The following TNRC6C variants were observed in gnomAD, a reference collection of about 807,000 sequenced individuals.
The protein encoded by TNRC6C is trinucleotide repeat-containing gene 6C protein.
A neutral mutation model predicts 153.7 loss-of-function variants in TNRC6C; 20 were observed. The observed-to-expected ratio is 0.13, with a 90% CI of 0.09 to 0.19. The LOEUF (loss-of-function observed/expected upper bound fraction) is 0.19, where lower values mean the gene tolerates loss of function less well. TNRC6C is among the 10% of genes least tolerant of loss of function. TNRC6C has a pLI of 1.00. For missense variants in TNRC6C, 1,987 were observed against 2,172.0 expected (o/e 0.91, Z 1.69); for synonymous variants, 811 against 841.4 (o/e 0.96, Z 0.63).
intron 1 of TNRC6C, among the ~76,000 whole-genome samples, chr17:77,998,373 T>C (rs940648810): frequency 6.6e-6 from 1 of 152,228 alleles, no homozygotes; most frequent in African/African-American, 2.4e-5. Flanking sequence ...TTTATGTATA[T>C]CACCAAATAT....
At chr17:78,044,265 A>G (rs1391779086) in intron 2 of TNRC6C, among the ~76,000 whole-genome samples, 1 of 152,202 alleles carries the variant, frequency 6.6e-6, no homozygotes, top group African/African-American at 2.4e-5. Flanking sequence ...CAACATGGCA[A>G]CCTAAGCTTA....
intron 1 of TNRC6C, among the ~76,000 whole-genome samples, chr17:77,961,661 C>T (rs576162430): frequency 6.6e-6 from 1 of 152,256 alleles, no homozygotes; most frequent in South Asian, 2.1e-4. Context: ...TATGTCTTAA[C>T]ACTAACATCA....
intron 1 of TNRC6C, among the ~76,000 whole-genome samples, chr17:77,985,716 A>G (rs1233464012): frequency 6.6e-6 from 1 of 152,074 alleles, no homozygotes; most frequent in Admixed American, 6.5e-5. Context: ...GCCTACTTGG[A>G]TGGATAGTCT....
chr17:78,077,283 G>A lies in TNRC6C; in HGVS notation c.3159G>A (p.Leu1053=), dbSNP rs1353931116. The stretch of plus-strand genomic sequence containing the variant: ...ACAGTGCACTCCCCAGTCAGGCCCT[G>A]GGTGGGATTGCCTCCGGGCTGGGCA... Residue 1053 remains leucine (L), a synonymous_variant, in exon 9 of 20, where the codon CTG becomes CTA. Coordinates refer to ENST00000301624, the Ensembl canonical transcript of TNRC6C. 1.9e-6 allele frequency: 3 copies of A among 1,590,520 alleles called. No individual in the cohort carries two copies. In the Admixed American group the frequency reaches 5.3e-5, roughly 28 times the overall value.
At chr17:78,088,902 CTAT>C (rs1352685190) in intron 13 of TNRC6C, among the ~76,000 whole-genome samples, 1 of 146,038 alleles carries the variant, frequency 6.8e-6, no homozygotes, top group Non-Finnish European at 1.5e-5. Flanking sequence ...CTTCAGCTTT[CTAT>C]TATTCACCTG....
At chr17:78,096,295 GA>G (rs1477757131) in intron 16 of TNRC6C, among the ~76,000 whole-genome samples, 1 of 152,156 alleles carries the variant, frequency 6.6e-6, no homozygotes, top group Non-Finnish European at 1.5e-5. Context: ...AGAGGATTCA[GA>G]AACTGCCTGT....
At chr17:78,082,102 G>A (rs558384069) in intron 10 of TNRC6C, among the ~76,000 whole-genome samples, 20 of 150,698 alleles carry the variant, frequency 1.3e-4, no homozygotes, top group African/African-American at 3.4e-4. Flanking sequence ...AGCAGCCTGC[G>A]GTGCAACAGG....
At chr17:77,973,701 A>G (rs1477898005) in intron 1 of TNRC6C, among the ~76,000 whole-genome samples, 1 of 152,232 alleles carries the variant, frequency 6.6e-6, no homozygotes, top group Non-Finnish European at 1.5e-5. Context: ...CTGGCAGTAA[A>G]CAATCTGAAA....
chr17:77,980,207 G>A (rs980323675), intron 1 of TNRC6C, among the ~76,000 whole-genome samples: 13 of 152,310 alleles, frequency 8.5e-5, no homozygotes, highest in African/African-American at 3.1e-4. Context: ...ATTGATAGGT[G>A]CAGCAAACCA....
chr17:78,093,503 A>G (rs1281184488), intron 15 of TNRC6C, 117 bp from the exon 18 acceptor site: 1 of 1,280,126 alleles, frequency 7.8e-7, no homozygotes, highest in Non-Finnish European at 1.1e-6. Context: ...GTGTACCTCT[A>G]ATTTAATTAG....
intron 1 of TNRC6C, among the ~76,000 whole-genome samples, chr17:77,976,160 A>C (rs181957156): frequency 3.4e-4 from 52 of 152,342 alleles, no homozygotes; most frequent in African/African-American, 1.2e-3. Flanking sequence ...CCTTATATTC[A>C]GCCCTGCGTA....
chr17:78,042,626 ATCCTGGTATTCTGAT>A (rs1339807595), intron 2 of TNRC6C, among the ~76,000 whole-genome samples: 4 of 151,468 alleles, frequency 2.6e-5, no homozygotes, highest in African/African-American at 9.7e-5. Flanking sequence ...TTTGGAGTAA[ATCCTGGTATTCTGAT>A]TAAAAGAATA....
At chr17:78,088,440 C>T (rs1360994409) in intron 13 of TNRC6C, among the ~76,000 whole-genome samples, 1 of 151,802 alleles carries the variant, frequency 6.6e-6, no homozygotes, top group East Asian at 1.9e-4. Flanking sequence ...TTCTATGTTG[C>T]CCAGGCAAGT....
At chr17:78,067,778 G>T (rs1445978797) in exon 5 of TNRC6C, 1 of 1,611,166 alleles carries the variant, frequency 6.2e-7, no homozygotes, top group Admixed American at 1.7e-5. Flanking sequence ...ATGCAAGAAG[G>T]CTGGGGCAGT....
rs777409024 is a variant in TNRC6C, at chr17:78,050,628, T to C, written c.1566T>C (p.Gly522=). ...CTGCCGCTGTGCCAGCAAACACAGG[T>C]TGGGGAGACAGCAACAACAAAGCGC... is the stretch of plus-strand genomic sequence containing the variant. The change falls in exon 3 of 20, where the codon GGT becomes GGC. Residue 522 remains glycine (G), a synonymous_variant. Coordinates refer to ENST00000301624, the Ensembl canonical transcript of TNRC6C. The C allele has an allele frequency of 1.4e-5, 22 of 1,571,678 alleles. No homozygotes were observed. The East Asian group carries it at 4.9e-4, about 35-fold the overall frequency.
intron 19 of TNRC6C, among the ~76,000 whole-genome samples, 167 bp downstream of exon 22, chr17:78,103,720 G>T (rs1405741519): frequency 6.6e-6 from 1 of 152,140 alleles, no homozygotes; most frequent in East Asian, 1.9e-4. Flanking sequence ...ATGAAGGTGT[G>T]GGCAGGGCTG....
At chr17:78,046,502 T>C (rs2072413720) in intron 2 of TNRC6C, among the ~76,000 whole-genome samples, 1 of 152,228 alleles carries the variant, frequency 6.6e-6, no homozygotes, top group Non-Finnish European at 1.5e-5. Context: ...CTGATAACCA[T>C]ACATTATCTG....
intron 5 of TNRC6C, among the ~76,000 whole-genome samples, chr17:78,070,385 T>G (rs2072969880): frequency 6.6e-6 from 1 of 152,128 alleles, no homozygotes; most frequent in Non-Finnish European, 1.5e-5. Context: ...GAAGAATATT[T>G]TTGGAAGGGA....
chr17:78,094,844 C>G (rs1051205568), intron 16 of TNRC6C, among the ~76,000 whole-genome samples: 2 of 152,186 alleles, frequency 1.3e-5, no homozygotes, highest in African/African-American at 2.4e-5. Context: ...CTGTGTATTC[C>G]TTGGGGTTAC....
Sources: gnomAD v4.1 joint callset for allele counts (sites outside exome capture counted in the v4.1 genomes callset) on GRCh38, gnomAD v4.1.1 for gene constraint, MANE v1.5 for transcripts, NCBI Gene and HGNC (gene_info 2026-07-23, HGNC 2026-07-21) for gene names.